Variants in CASP1 observed in about 807,000 individuals in gnomAD.
CASP1 encodes caspase-1.
Under a neutral mutation model 41.2 loss-of-function variants are expected in CASP1, and 31 were observed. The ratio of observed to expected loss-of-function variants is 0.75; its 90% CI spans 0.57 to 1.02. The LOEUF is 1.02. Ranked by LOEUF, CASP1 falls within the 50% of genes least tolerant of loss-of-function variation. CASP1 has a pLI of 0.00. For synonymous variants in CASP1, 163 were observed against 166.5 expected (o/e 0.98, Z 0.16); for missense variants, 490 against 495.7 (o/e 0.99, Z 0.11).
Position 105,026,152 on chromosome 11 carries a change from T to C in CASP1, c.*106A>G. 1.5e-6 allele frequency: 1 copy of C among 684,830 alleles called. No individual in the cohort carries two copies. Among genetic ancestry groups the C allele is most frequent in the Non-Finnish European group, 2.5e-6 (1 of 397,880 alleles). The allele number at this position is 684,830 out of a possible 1,614,324, so 42.4% of individuals were successfully genotyped here. On this transcript the variant is annotated 3_prime_UTR_variant, in exon 9 of 9. Coordinates refer to ENST00000533400, the MANE Select transcript of CASP1 (RefSeq NM_001257118.3). ...ATTAAGGATTCTCAGCCTGTAAACC[T>C]AGAGTTCTTGACTCAAATGGACTTT... is the stretch of plus-strand genomic sequence containing the variant.
Position 105,031,599 on chromosome 11 carries a change from G to A in CASP1, c.338-319C>T, listed in dbSNP as rs115611319. Among the ~76,000 whole-genome samples, 608 of 152,256 alleles carry A rather than the reference G, an allele frequency of 4.0e-3. 2 individuals are homozygous for A. The highest frequency in any genetic ancestry group is 0.014 in the African/African-American group (579 of 41,552). On this transcript the variant is annotated intron_variant, in intron 3 of 8. Transcript: ENST00000533400. ...AAAACACTCAGAAAACAAAAAATGT[G>A]TGAGATAAAATAGTTAAGAATATAA...
At chr11:105,034,093 C>A (rs1160168180) in intron 2 of CASP1, 115 bp downstream of exon 2, 2 of 1,565,758 alleles carry the variant, frequency 1.3e-6, no homozygotes, top group Admixed American at 1.7e-5. Flanking sequence ...GAAATATGGC[C>A]CTGAAGCCAG....
At chr11:105,027,366 A>G (rs1361209275) in intron 7 of CASP1, among the ~76,000 whole-genome samples, 1 of 152,108 alleles carries the variant, frequency 6.6e-6, no homozygotes, top group Admixed American at 6.6e-5. Flanking sequence ...ATTAAATAAC[A>G]TTGACAGTAA....
intron 2 of CASP1, 75 bp downstream of exon 2, chr11:105,034,133 G>A (rs1263544275): frequency 3.1e-6 from 5 of 1,610,216 alleles, no homozygotes; most frequent in Non-Finnish European, 3.4e-6. Flanking sequence ...CAATTAACAT[G>A]ACTAGTAAAG....
chr11:105,029,402 A>G, intron 6 of CASP1, 135 bp from the exon 7 acceptor site: 1 of 742,634 alleles, frequency 1.3e-6, no homozygotes, highest in Non-Finnish European at 2.2e-6. Flanking sequence ...CATGCATTTC[A>G]GTTACAATCT....
chr11:105,027,266 A>C (rs1863368102), intron 7 of CASP1: 1 of 555,792 alleles, frequency 1.8e-6, no homozygotes, highest in Admixed American at 3.3e-5. Context: ...CAAGTGTTTG[A>C]GATAACCCAG....
At position 105,029,120 on chromosome 11, in the gene CASP1, T is replaced by A; in HGVS notation, c.1006+4A>T. 1.2e-6 allele frequency: 2 copies of A among 1,612,274 alleles called. No homozygotes were observed. Among genetic ancestry groups the A allele is most frequent in the Non-Finnish European group, 1.7e-6 (2 of 1,179,018 alleles). On this transcript the variant is annotated splice_donor_region_variant and intron_variant, in intron 7 of 8. Coordinates refer to ENST00000533400, the MANE Select transcript of CASP1 (RefSeq NM_001257118.3). ...CAAAGATGTCCTGTGTAGAAACCTG[T>A]TACCTGGTGTGGAAGAGCAGAAAGC...
At chr11:105,031,002 A>T in intron 4 of CASP1, 163 bp downstream of exon 4, 1 of 575,928 alleles carries the variant, frequency 1.7e-6, no homozygotes. Context: ...CTTTCTATAA[A>T]CCTGGGATTC....
upstream of CASP1, chr11:105,035,186 T>G: frequency 6.3e-7 from 1 of 1,593,098 alleles, no homozygotes; most frequent in Non-Finnish European, 8.6e-7. Context: ...GCAGGGCCTG[T>G]ACATGTATTG....
Position 105,029,152 on chromosome 11 carries a change from A to G in CASP1, c.978T>C (p.Asp326=), listed in dbSNP as rs374402127. ...GTGTGGAAGAGCAGAAAGCGATAAAATCCTTCTCTATGTGGGCTTTCTTAA... is the reference window on the plus strand; with the variant it reads ...GTGTGGAAGAGCAGAAAGCGATAAAGTCCTTCTCTATGTGGGCTTTCTTAA... ...DAIKKAHIEK[D]FIAFCSSTPD... The change falls in exon 7 of 9, where the codon GAT becomes GAC. Residue 326 remains aspartate (D), a synonymous_variant. Transcript: ENST00000533400. The G allele has an allele frequency of 2.0e-5, 32 of 1,613,114 alleles. 1 individual carries two copies. In the African/African-American group the frequency reaches 3.5e-4, roughly 18 times the overall value.
At chr11:105,028,962 A>T (rs1863493571) in intron 7 of CASP1, among the ~76,000 whole-genome samples, 162 bp downstream of exon 7, 1 of 152,172 alleles carries the variant, frequency 6.6e-6, no homozygotes, top group Admixed American at 6.6e-5. Flanking sequence ...TAATGCATTG[A>T]ACAGATATGC....
rs148018877 is a variant in CASP1 at position 105,026,846 on chromosome 11, C to A, written c.1112G>T (p.Arg371Leu). Residue 371 changes from arginine (R) to leucine (L), a missense_variant, in exon 8 of 9, where the codon CGC becomes CTC. Coordinates refer to ENST00000533400, the MANE Select transcript of CASP1 (RefSeq NM_001257118.3). ...ACSCDVEEIF[R>L]KVRFSFEQPD... ...TAGCATCCACTAGCATCTTACCTTG[C>A]GGAAAATTTCCTCCACATCACAGGA... 1.9e-6 allele frequency: 3 copies of A among 1,557,530 alleles called. No individual in the cohort carries two copies. Among genetic ancestry groups the A allele is most frequent in the South Asian group, 1.1e-5 (1 of 89,894 alleles).
At chr11:105,031,621 A>G (rs1591201358) in intron 3 of CASP1, among the ~76,000 whole-genome samples, 1 of 152,232 alleles carries the variant, frequency 6.6e-6, no homozygotes, top group Admixed American at 6.5e-5. Context: ...AGTTAAGAAT[A>G]TAAACTTTTT....
At chr11:105,029,382 C>G (rs1031787974) in intron 6 of CASP1, 115 bp from the exon 7 acceptor site, 2 of 794,072 alleles carry the variant, frequency 2.5e-6, no homozygotes, top group African/African-American at 3.5e-5. Context: ...AATTCACATG[C>G]AAATAGACAC....
At chr11:105,036,303 G>A (rs546031181), upstream of CASP1, among the ~76,000 whole-genome samples, 49 of 152,108 alleles carry the variant, frequency 3.2e-4, no homozygotes, top group African/African-American at 1.2e-3. Context: ...AAACATATAC[G>A]GACGACATTG....
At position 105,026,273 on chromosome 11, in the gene CASP1, G is replaced by A. The variant is rs1360635295; in HGVS notation, c.1200C>T (p.Leu400=). 6.2e-7 allele frequency: 1 copy of A among 1,602,350 alleles called. No individual in the cohort carries two copies. The highest frequency in any genetic ancestry group is 8.5e-7 in the Non-Finnish European group (1 of 1,169,878). The part of the protein sequence containing the change: ...ERVTLTRCFY[L]FPGH The stretch of plus-strand genomic sequence containing the variant: ...TTTCCTTATTTTAATGTCCTGGGAA[G>A]AGGTAGAAACATCTTGTCAAAGTCA... Residue 400 remains leucine, a synonymous_variant, in exon 9 of 9, where the codon CTC becomes CTT. Coordinates refer to ENST00000533400, the MANE Select transcript of CASP1 (RefSeq NM_001257118.3).
intron 7 of CASP1, among the ~76,000 whole-genome samples, chr11:105,028,679 A>G (rs1004445997): frequency 2.0e-5 from 3 of 152,090 alleles, no homozygotes; most frequent in African/African-American, 4.8e-5. Flanking sequence ...ATTCTGTCTC[A>G]CACACTTCAT....
At position 105,031,299 on chromosome 11, in the gene CASP1, A is replaced by G. The variant is rs1863684009; in HGVS notation, c.338-19T>C. ...TGAGGAGCTGCAAGAGACAAAGAAC[A>G]TCATGAACAGTGGCATCCCTGTTTG... On this transcript the variant is annotated intron_variant, in intron 3 of 8. Transcript: ENST00000533400. 7.2e-7 allele frequency: 1 copy of G among 1,396,508 alleles called. No homozygotes were observed. The highest frequency in any genetic ancestry group is 1.2e-5 in the South Asian group (1 of 86,626). 86.5% of individuals were successfully genotyped at this position (1,396,508 alleles called of 1,614,324 possible).
rs1435050752 is a variant in CASP1 at position 105,025,804 on chromosome 11, C to CA, written c.*453dup. On this transcript the variant is annotated 3_prime_UTR_variant, in exon 9 of 9. Coordinates refer to ENST00000533400, the MANE Select transcript of CASP1 (RefSeq NM_001257118.3). Reference sequence around the variant, plus strand: ...TGTAGTCTTACGGCCACTTCTAGGCCAATATCAGATGAATCTCAAAAGGGG... The same window carrying CA: ...TGTAGTCTTACGGCCACTTCTAGGCCAAATATCAGATGAATCTCAAAAGGGG... The CA allele has an allele frequency of 4.0e-6, 1 of 251,914 alleles. No homozygotes were observed. Among genetic ancestry groups the CA allele is most frequent in the Non-Finnish European group, 7.8e-6 (1 of 127,978 alleles). The allele number at this position is 251,914 out of a possible 1,614,324, so 15.6% of individuals were successfully genotyped here.
Sources: allele counts gnomAD v4.1 joint callset (sites outside exome capture counted in the v4.1 genomes callset), GRCh38; gene constraint gnomAD v4.1.1; transcripts MANE v1.5; gene names NCBI Gene and HGNC (gene_info 2026-07-23, HGNC 2026-07-21).